The following DNAL1 variants were observed in gnomAD, a reference collection of about 807,000 sequenced individuals.
DNAL1 encodes dynein axonemal light chain 1.
Under a neutral mutation model 29.4 loss-of-function variants are expected in DNAL1, and 17 were observed. That is an observed-to-expected ratio of 0.58 (90% CI 0.40 to 0.87). The LOEUF is 0.87. Ranked by LOEUF, DNAL1 falls within the 40% of genes least tolerant of loss-of-function variation. DNAL1 has a pLI of 0.00. For synonymous variants in DNAL1, 78 were observed against 76.3 expected (o/e 1.02, Z -0.12); for missense variants, 188 against 214.1 (o/e 0.88, Z 0.76).
chr14:73,648,592 T>G (rs1367592330), intron 1 of DNAL1, among the ~76,000 whole-genome samples: 4 of 149,992 alleles, frequency 2.7e-5, no homozygotes, highest in African/African-American at 9.8e-5. Context: ...TTTTTTGTGT[T>G]TTTAGTAGAG....
chr14:73,655,000 T>C, intron 2 of DNAL1, 115 bp downstream of exon 2: 1 of 1,064,232 alleles, frequency 9.4e-7, no homozygotes. Flanking sequence ...ACTATTCAGC[T>C]ATCTTGTCTA....
chr14:73,659,161 AT>A lies in DNAL1; in HGVS notation c.152+223del, dbSNP rs10547955. 0.095 allele frequency among the ~76,000 whole-genome samples: 13,360 copies of A among 140,716 alleles called. 980 individuals are homozygous for A. Among genetic ancestry groups the A allele is most frequent in the African/African-American group, 0.22 (8,286 of 37,534 alleles). 92.3% of individuals were successfully genotyped at this position (140,716 alleles called of 152,430 possible). The stretch of plus-strand genomic sequence containing the variant: ...AGAAAATATTGAACAGTATAGTACA[AT>A]TTTTTTTTTTTTTTTTTGAGATGGG... On this transcript the variant is annotated intron_variant, in intron 3 of 7. Transcript: ENST00000553645.
At chr14:73,685,853 C>T (rs1892009259) in intron 5 of DNAL1, among the ~76,000 whole-genome samples, 1 of 152,036 alleles carries the variant, frequency 6.6e-6, no homozygotes, top group African/African-American at 2.4e-5. Flanking sequence ...ACTTGGGTCA[C>T]GTCCATCTTT....
At chr14:73,684,650 A>G (rs1376488215) in intron 5 of DNAL1, among the ~76,000 whole-genome samples, 1 of 152,158 alleles carries the variant, frequency 6.6e-6, no homozygotes, top group Non-Finnish European at 1.5e-5. Context: ...TAGTCCTAGC[A>G]CTTTGGGAGG....
intron 5 of DNAL1, among the ~76,000 whole-genome samples, chr14:73,682,702 A>AG (rs1436299860): frequency 6.6e-6 from 1 of 151,844 alleles, no homozygotes; most frequent in Non-Finnish European, 1.5e-5. Context: ...CACATACATT[A>AG]GCCTAGGCCT....
chr14:73,670,665 A>T lies in DNAL1; in HGVS notation c.209-877A>T, dbSNP rs577940446. Among the ~76,000 whole-genome samples the T allele has an allele frequency of 3.3e-5, 5 of 152,008 alleles. No individual in the cohort carries two copies. The East Asian group carries it at 5.8e-4, about 18-fold the overall frequency. ...TTTCTCTTCCAGAAATAGCCTATAG[A>T]TATACAAATAGAAATAACCTTTAAA... On this transcript the variant is annotated intron_variant, in intron 4 of 7. Transcript: ENST00000553645.
intron 7 of DNAL1, among the ~76,000 whole-genome samples, chr14:73,695,196 A>G (rs79186486): frequency 0.029 from 4,441 of 151,732 alleles, 96 homozygotes; most frequent in Non-Finnish European, 0.048. Flanking sequence ...GTTGAAGACT[A>G]CAGGCTCACA....
At position 73,697,943 on chromosome 14, in the gene DNAL1, C is replaced by G. The variant is rs1304444410; in HGVS notation, c.*2001C>G. ...TTGGTGATGTTTTAAGTTCCATAAA[C>G]TGAGAGGGAAGATGATCTTCTTAAA... On this transcript the variant is annotated 3_prime_UTR_variant, in exon 8 of 8. Transcript: ENST00000553645. The G allele has an allele frequency of 6.6e-6, 1 of 152,060 alleles. No homozygotes were observed. The highest frequency in any genetic ancestry group is 1.9e-4 in the East Asian group (1 of 5,190). 9.4% of individuals were successfully genotyped at this position (152,060 alleles called of 1,614,324 possible). A position where few individuals can be genotyped will look rare whatever the true frequency, so the allele number is the denominator to read the frequency against.
At chr14:73,676,574 T>TA (rs1282593775) in intron 5 of DNAL1, among the ~76,000 whole-genome samples, 2 of 152,216 alleles carry the variant, frequency 1.3e-5, no homozygotes, top group African/African-American at 4.8e-5. Context: ...TTTAATACAT[T>TA]AAAAATAGCT....
chr14:73,649,878 A>G lies in DNAL1; in HGVS notation c.3+4836A>G, dbSNP rs1891073886. On this transcript the variant is annotated intron_variant, in intron 1 of 7. Transcript: ENST00000553645. ...ACATATAATGGTGTGGTATTTGCAT[A>G]TAACTTACACACATCCTCCTGTATA... Among the ~76,000 whole-genome samples the G allele has an allele frequency of 2.0e-5, 3 of 152,220 alleles. No homozygotes were observed. The South Asian group carries it at 6.2e-4, about 32-fold the overall frequency.
At position 73,695,920 on chromosome 14, in the gene DNAL1, G is replaced by T. The variant is rs1305577915; in HGVS notation, c.551G>T (p.Gly184Val). Residue 184 changes from glycine to valine, a missense_variant, in exon 8 of 8, where the codon GGG becomes GTG. Gly to Val is a moderately radical substitution (Grantham distance 109). Transcript: ENST00000553645. ...ATTTTAGGTACTCCAGTAATTAAAG[G>T]GGATGAGGAAGAAGACAACTAATGC... Reference protein sequence around the residue: ...KKLDGTPVIKGDEEEDN With the variant: ...KKLDGTPVIKVDEEEDN 6.3e-7 allele frequency: 1 copy of T among 1,588,810 alleles called. No individual in the cohort carries two copies. The highest frequency in any genetic ancestry group is 8.6e-7 in the Non-Finnish European group (1 of 1,166,268).
chr14:73,673,639 G>A (rs1394717374), intron 5 of DNAL1, among the ~76,000 whole-genome samples: 1 of 152,086 alleles, frequency 6.6e-6, no homozygotes, highest in Non-Finnish European at 1.5e-5. Context: ...GGTTCATGCC[G>A]GTAATCTGGC....
At chr14:73,671,824 A>G (rs1227267951) in intron 5 of DNAL1, among the ~76,000 whole-genome samples, 2 of 152,106 alleles carry the variant, frequency 1.3e-5, no homozygotes, top group Non-Finnish European at 2.9e-5. Flanking sequence ...TGGGCATTTA[A>G]AATTTTTTTG....
chr14:73,649,750 A>G (rs901352617), intron 1 of DNAL1, among the ~76,000 whole-genome samples: 1 of 152,036 alleles, frequency 6.6e-6, no homozygotes, highest in Non-Finnish European at 1.5e-5. Flanking sequence ...CTTCTAATAT[A>G]CTATATAATT....
intron 6 of DNAL1, among the ~76,000 whole-genome samples, chr14:73,688,461 A>G (rs1892076368): frequency 6.6e-6 from 1 of 152,126 alleles, no homozygotes; most frequent in South Asian, 2.1e-4. Flanking sequence ...TAAAAATACA[A>G]AAATACAAAA....
intron 5 of DNAL1, among the ~76,000 whole-genome samples, chr14:73,680,572 C>T (rs1303059336): frequency 6.6e-6 from 1 of 152,090 alleles, no homozygotes; most frequent in Non-Finnish European, 1.5e-5. Flanking sequence ...TGTTTTGATA[C>T]ATATATATAC....
chr14:73,678,018 T>A (rs562974292), intron 5 of DNAL1, among the ~76,000 whole-genome samples: 1 of 151,490 alleles, frequency 6.6e-6, no homozygotes, highest in South Asian at 2.1e-4. Flanking sequence ...CACCTCAGCC[T>A]CCCAAGTACT....
intron 5 of DNAL1, among the ~76,000 whole-genome samples, chr14:73,677,491 A>G (rs1891763915): frequency 6.6e-6 from 1 of 151,504 alleles, no homozygotes. Context: ...AATTTCCATT[A>G]TCTAGTCAGT....
At chr14:73,681,418 A>G (rs939861602) in intron 5 of DNAL1, among the ~76,000 whole-genome samples, 28 of 150,442 alleles carry the variant, frequency 1.9e-4, no homozygotes, top group Non-Finnish European at 3.5e-4. Context: ...TACAGGCATG[A>G]GCCACCGCAC....
Sources: allele counts gnomAD v4.1 joint callset (sites outside exome capture counted in the v4.1 genomes callset), GRCh38; gene constraint gnomAD v4.1.1; transcripts MANE v1.5; gene names NCBI Gene and HGNC (gene_info 2026-07-23, HGNC 2026-07-21).